The following DCDC2C variants were observed in gnomAD, a reference collection of about 807,000 sequenced individuals.
The protein encoded by DCDC2C is doublecortin domain-containing protein 2C.
Under a neutral mutation model 45.0 loss-of-function variants are expected in DCDC2C, and 44 were observed. That is an observed-to-expected ratio of 0.98 (90% CI 0.77 to 1.26). DCDC2C has a LOEUF of 1.26. Among genes scored for constraint, DCDC2C ranks in the 50% most tolerant of loss-of-function variants. DCDC2C has a pLI of 0.00. For missense variants in DCDC2C, 447 were observed against 468.9 expected, an observed-to-expected ratio of 0.95 and a Z score of 0.43; for synonymous variants, 187 against 178.8, an observed-to-expected ratio of 1.05 and a Z score of -0.37.
At chr2:3,793,104 G>A (rs1466469123) in intron 10 of DCDC2C, among the ~76,000 whole-genome samples, 1 of 152,054 alleles carries the variant, frequency 6.6e-6, no homozygotes. Flanking sequence ...TGAAGGAGGG[G>A]TATCCACGGC....
chr2:3,782,613 G>C (rs1670544866), intron 9 of DCDC2C, among the ~76,000 whole-genome samples: 1 of 151,750 alleles, frequency 6.6e-6, no homozygotes, highest in South Asian at 2.1e-4. Flanking sequence ...CGAGTAGCTG[G>C]GACTACAGGC....
intron 10 of DCDC2C, among the ~76,000 whole-genome samples, chr2:3,824,840 T>C (rs1286578104): frequency 1.3e-5 from 2 of 152,102 alleles, no homozygotes; most frequent in African/African-American, 4.8e-5. Context: ...GCAGGATTTC[T>C]GTATCTGGGT....
chr2:3,713,054 T>C (rs1001886763), intron 2 of DCDC2C, among the ~76,000 whole-genome samples: 2 of 152,194 alleles, frequency 1.3e-5, no homozygotes, highest in Non-Finnish European at 2.9e-5. Flanking sequence ...CATCTGCTGT[T>C]GGGTGGCTCG....
intron 8 of DCDC2C, among the ~76,000 whole-genome samples, chr2:3,778,233 G>C (rs562995491): frequency 1.6e-4 from 25 of 152,366 alleles, no homozygotes; most frequent in African/African-American, 5.8e-4. Context: ...TACTTGGTTG[G>C]CGTGTTATTG....
chr2:3,752,397 C>T (rs2148125500), intron 4 of DCDC2C, among the ~76,000 whole-genome samples: 1 of 152,218 alleles, frequency 6.6e-6, no homozygotes, highest in Non-Finnish European at 1.5e-5. Flanking sequence ...GCTAATAAAT[C>T]CTGGTTTGTT....
intron 10 of DCDC2C, among the ~76,000 whole-genome samples, chr2:3,797,465 G>A (rs1215711367): frequency 2.0e-5 from 3 of 149,866 alleles, no homozygotes; most frequent in Admixed American, 6.7e-5. Context: ...TGATGTTAGG[G>A]TGTCAATTTT....
intron 2 of DCDC2C, among the ~76,000 whole-genome samples, chr2:3,725,450 A>AGTGAC (rs1668622777): frequency 9.5e-6 from 1 of 105,506 alleles, no homozygotes; most frequent in Non-Finnish European, 2.2e-5. Flanking sequence ...AGACGAGCAG[A>AGTGAC]GAGGGAGGAG....
chr2:3,799,058 C>A (rs949552163), intron 10 of DCDC2C, among the ~76,000 whole-genome samples: 1 of 152,160 alleles, frequency 6.6e-6, no homozygotes, highest in Non-Finnish European at 1.5e-5. Context: ...TTCTTGGAGG[C>A]TTTGCTTGTT....
intron 10 of DCDC2C, among the ~76,000 whole-genome samples, chr2:3,819,281 C>T (rs1239886434): frequency 6.6e-6 from 1 of 152,222 alleles, no homozygotes; most frequent in Non-Finnish European, 1.5e-5. Context: ...CAGTGGGGTC[C>T]TGCACAGATG....
intron 10 of DCDC2C, among the ~76,000 whole-genome samples, chr2:3,800,202 A>G (rs1470045016): frequency 1.3e-5 from 2 of 152,194 alleles, no homozygotes; most frequent in Admixed American, 1.3e-4. Flanking sequence ...TTCCCGAGTG[A>G]GGCAATGCCT....
At chr2:3,736,403 C>T (rs1438239243) in intron 3 of DCDC2C, among the ~76,000 whole-genome samples, 7 of 152,160 alleles carry the variant, frequency 4.6e-5, no homozygotes, top group African/African-American at 1.7e-4. Context: ...ATGAGGAGGT[C>T]CTAAGGGTAG....
intron 3 of DCDC2C, among the ~76,000 whole-genome samples, chr2:3,732,847 A>C (rs1397530504): frequency 6.6e-6 from 1 of 152,200 alleles, no homozygotes; most frequent in Non-Finnish European, 1.5e-5. Flanking sequence ...GGCCATAGAC[A>C]ACCCAGTTCT....
intron 6 of DCDC2C, among the ~76,000 whole-genome samples, chr2:3,766,456 T>C (rs982483245): frequency 7.2e-5 from 11 of 152,140 alleles, no homozygotes; most frequent in Non-Finnish European, 1.6e-4. Flanking sequence ...ACAAGCACCA[T>C]ATACCATTTT....
intron 10 of DCDC2C, among the ~76,000 whole-genome samples, chr2:3,790,754 G>T (rs1219697153): frequency 6.6e-6 from 1 of 152,064 alleles, no homozygotes; most frequent in Non-Finnish European, 1.5e-5. Context: ...GAAGTCTAAG[G>T]TCATTAGTAA....
intron 4 of DCDC2C, among the ~76,000 whole-genome samples, chr2:3,747,328 C>T (rs540851406): frequency 5.3e-5 from 8 of 152,328 alleles, no homozygotes; most frequent in South Asian, 4.1e-4. Flanking sequence ...CATCAGCATC[C>T]GTGATGTAGG....
intron 10 of DCDC2C, among the ~76,000 whole-genome samples, chr2:3,846,293 T>C (rs1672328022): frequency 6.6e-6 from 1 of 151,896 alleles, no homozygotes; most frequent in Non-Finnish European, 1.5e-5. Context: ...CTCCTCCTTG[T>C]TCTTGTGACA....
intron 10 of DCDC2C, among the ~76,000 whole-genome samples, chr2:3,828,141 T>A (rs1671871965): frequency 6.6e-6 from 1 of 152,228 alleles, no homozygotes; most frequent in Non-Finnish European, 1.5e-5. Context: ...TTTAAAAATA[T>A]GTGTGGATTA....
intron 2 of DCDC2C, among the ~76,000 whole-genome samples, chr2:3,721,075 C>T (rs1558562414): frequency 6.6e-6 from 1 of 152,134 alleles, no homozygotes; most frequent in Non-Finnish European, 1.5e-5. Flanking sequence ...CTATTAATAT[C>T]TGTAGACTCA....
intron 6 of DCDC2C, among the ~76,000 whole-genome samples, chr2:3,764,085 A>G (rs186299773): frequency 1.3e-5 from 2 of 152,374 alleles, no homozygotes; most frequent in African/African-American, 4.8e-5. Flanking sequence ...CAGAGGAGGC[A>G]TCGACTTCAT....
Sources: gnomAD v4.1 joint callset for allele counts (sites outside exome capture counted in the v4.1 genomes callset) on GRCh38, gnomAD v4.1.1 for gene constraint, MANE v1.5 for transcripts, NCBI Gene and HGNC (gene_info 2026-07-23, HGNC 2026-07-21) for gene names.